CERS6: variants seen among roughly 807,000 people sequenced by gnomAD.
CERS6 encodes the protein ceramide synthase 6.
A neutral mutation model predicts 56.8 loss-of-function variants in CERS6; 26 were observed. The ratio of observed to expected loss-of-function variants is 0.46; its 90% confidence interval spans 0.34 to 0.63. The LOEUF is 0.63. Among genes scored for constraint, CERS6 ranks in the 30% least tolerant of loss-of-function variants. The pLI, the probability that CERS6 is intolerant of heterozygous loss-of-function variation, is 0.01. For missense variants in CERS6, 415 were observed against 467.5 expected, an observed-to-expected ratio of 0.89 and a Z score of 1.04; for synonymous variants, 164 against 173.3, an observed-to-expected ratio of 0.95 and a Z score of 0.42.
At chr2:168,605,745 G>A (rs1193210147) in intron 3 of CERS6, among the ~76,000 whole-genome samples, 3 of 152,198 alleles carry the variant, frequency 2.0e-5, no homozygotes, top group Non-Finnish European at 2.9e-5. Flanking sequence ...TGTTGCTTCA[G>A]GGCTGCCAGT....
intron 8 of CERS6, among the ~76,000 whole-genome samples, chr2:168,753,355 T>G (rs1023223700): frequency 6.6e-6 from 1 of 152,264 alleles, no homozygotes; most frequent in African/African-American, 2.4e-5. Flanking sequence ...GATATGTTTA[T>G]GTTTGTCTTG....
chr2:168,646,440 C>T (rs181903507), intron 4 of CERS6, among the ~76,000 whole-genome samples: 1 of 152,258 alleles, frequency 6.6e-6, no homozygotes, highest in Admixed American at 6.5e-5. Context: ...GCATATTAGA[C>T]CTCTGTCAGA....
At chr2:168,491,401 A>G (rs922530377) in intron 1 of CERS6, among the ~76,000 whole-genome samples, 4 of 152,138 alleles carry the variant, frequency 2.6e-5, no homozygotes, top group African/African-American at 9.7e-5. Flanking sequence ...ATTTGACTTT[A>G]TATTTAGGAG....
chr2:168,604,818 C>T (rs1025239356), intron 3 of CERS6, among the ~76,000 whole-genome samples: 1 of 152,148 alleles, frequency 6.6e-6, no homozygotes, highest in Non-Finnish European at 1.5e-5. Flanking sequence ...TCCTGTACAG[C>T]CTGTAGAACC....
chr2:168,522,445 T>A (rs1302112137), intron 1 of CERS6, among the ~76,000 whole-genome samples: 1 of 152,232 alleles, frequency 6.6e-6, no homozygotes, highest in Admixed American at 6.5e-5. Flanking sequence ...TCTGAACAAT[T>A]TTCCCTGTTA....
chr2:168,463,360 A>T (rs545674122), intron 1 of CERS6, among the ~76,000 whole-genome samples: 2 of 152,232 alleles, frequency 1.3e-5, no homozygotes, highest in African/African-American at 2.4e-5. Flanking sequence ...ACTATAAGCT[A>T]TTCTACACTG....
chr2:168,555,933 C>T (rs969702310), intron 2 of CERS6, among the ~76,000 whole-genome samples: 3 of 152,004 alleles, frequency 2.0e-5, no homozygotes, highest in Admixed American at 2.0e-4. Flanking sequence ...GGCCTAAATT[C>T]ATACCTATAA....
At chr2:168,652,953 A>G (rs1458024664) in intron 4 of CERS6, among the ~76,000 whole-genome samples, 2 of 152,238 alleles carry the variant, frequency 1.3e-5, no homozygotes, top group Non-Finnish European at 2.9e-5. Context: ...TGTTGACTGT[A>G]TTCTTTTTCC....
chr2:168,728,052 T>C (rs1194163943), intron 8 of CERS6, among the ~76,000 whole-genome samples: 1 of 152,232 alleles, frequency 6.6e-6, no homozygotes, highest in Non-Finnish European at 1.5e-5. Context: ...CCACAAAGTA[T>C]GGCCTGTAGG....
intron 8 of CERS6, among the ~76,000 whole-genome samples, chr2:168,732,099 A>AC (rs1683555944): frequency 6.6e-6 from 1 of 151,976 alleles, no homozygotes; most frequent in Non-Finnish European, 1.5e-5. Context: ...ATGGCACTTG[A>AC]CCCCCTTCTT....
chr2:168,725,191 A>G (rs1427980755), intron 8 of CERS6, among the ~76,000 whole-genome samples: 1 of 152,226 alleles, frequency 6.6e-6, no homozygotes, highest in East Asian at 1.9e-4. Flanking sequence ...GGCTGCTTCA[A>G]GTGCAGGGCC....
In CERS6 at chr2:168,562,111, C is replaced by T. The variant is rs552388528; in HGVS notation, c.407+789C>T. Among the ~76,000 whole-genome samples the T allele has an allele frequency of 4.6e-5, 7 of 152,164 alleles. No homozygotes were observed. The South Asian group carries it at 1.0e-3, about 23-fold the overall frequency. On this transcript the variant is annotated intron_variant, in intron 3 of 9. Transcript: ENST00000305747. ...CTAACAGTCCCTCAATTTCTTCTTT[C>T]GGGAGCTGTTTCCTGACGTCTGGTC...
chr2:168,563,431 A>G (rs541810301), intron 3 of CERS6, among the ~76,000 whole-genome samples: 1 of 152,366 alleles, frequency 6.6e-6, no homozygotes, highest in Non-Finnish European at 1.5e-5. Flanking sequence ...TCCCTCAAGA[A>G]ATTTGTAATA....
At chr2:168,573,420 A>G (rs561603536) in intron 3 of CERS6, among the ~76,000 whole-genome samples, 1 of 152,304 alleles carries the variant, frequency 6.6e-6, no homozygotes, top group Admixed American at 6.5e-5. Context: ...ATTTTATGAT[A>G]GATTTGGGGG....
At chr2:168,583,728 C>T (rs916282109) in intron 3 of CERS6, among the ~76,000 whole-genome samples, 3 of 152,156 alleles carry the variant, frequency 2.0e-5, no homozygotes, top group Non-Finnish European at 4.4e-5. Flanking sequence ...CTACAGGGTC[C>T]ATTTATTCCT....
At chr2:168,530,830 A>G (rs1695154429) in intron 1 of CERS6, among the ~76,000 whole-genome samples, 1 of 152,196 alleles carries the variant, frequency 6.6e-6, no homozygotes, top group African/African-American at 2.4e-5. Context: ...AACTCCTCAG[A>G]TGAGGTTGGT....
intron 6 of CERS6, among the ~76,000 whole-genome samples, chr2:168,713,507 G>A (rs967700785): frequency 1.3e-5 from 2 of 152,106 alleles, no homozygotes; most frequent in African/African-American, 2.4e-5. Context: ...ATATTTCTAA[G>A]CAACAGAAAT....
At chr2:168,493,889 A>G (rs1484820822) in intron 1 of CERS6, among the ~76,000 whole-genome samples, 1 of 151,504 alleles carries the variant, frequency 6.6e-6, no homozygotes, top group East Asian at 1.9e-4. Flanking sequence ...ATGCAAAAAG[A>G]TGACAATGAT....
chr2:168,607,640 A>G (rs1684084552), intron 3 of CERS6, among the ~76,000 whole-genome samples: 1 of 152,208 alleles, frequency 6.6e-6, no homozygotes, highest in Non-Finnish European at 1.5e-5. Flanking sequence ...TCGGCCTTCC[A>G]AAGTGCTGGG....
Sources: gnomAD v4.1 joint callset for allele counts (sites outside exome capture counted in the v4.1 genomes callset) on GRCh38, gnomAD v4.1.1 for gene constraint, MANE v1.5 for transcripts, NCBI Gene and HGNC (gene_info 2026-07-23, HGNC 2026-07-21) for gene names.